The following NRXN3 variants were observed in gnomAD, a reference collection of about 807,000 sequenced individuals.
NRXN3 encodes the protein neurexin III.
A neutral mutation model predicts 137.6 loss-of-function variants in NRXN3; 32 were observed. The ratio of observed to expected loss-of-function variants is 0.23; its 90% CI spans 0.18 to 0.31. The LOEUF is 0.31. NRXN3 is among the 10% of genes least tolerant of loss of function. NRXN3 has a pLI of 1.00. For synonymous variants in NRXN3, 798 were observed against 784.5 expected (o/e 1.02, Z -0.29); for missense variants, 1,574 against 2,062.5 (o/e 0.76, Z 4.59).
rs375424089 is a variant in NRXN3, at chr14:79,578,178, G to A, written c.3445-85600G>A. Reference sequence around the variant, plus strand: ...GTTGGACTCATCATTGTGATTTATTGTAAGGACAGGATACAGATTAAACTC... The same window carrying A: ...GTTGGACTCATCATTGTGATTTATTATAAGGACAGGATACAGATTAAACTC... On this transcript the variant is annotated intron_variant, in intron 16 of 20. Coordinates refer to ENST00000335750, the MANE Select transcript of NRXN3 (RefSeq NM_001330195.2). Among the ~76,000 whole-genome samples the A allele has an allele frequency of 1.0e-3, 153 of 152,318 alleles. 7 individuals are homozygous for A. In the South Asian group the frequency reaches 0.03, roughly 30 times the overall value.
At chr14:78,643,787 C>G (rs1049361127) in intron 4 of NRXN3, among the ~76,000 whole-genome samples, 1 of 152,168 alleles carries the variant, frequency 6.6e-6, no homozygotes, top group Non-Finnish European at 1.5e-5. Context: ...ATCCACATCT[C>G]TGCAAATAGT....
At chr14:79,494,340 T>G (rs1469920009) in intron 16 of NRXN3, among the ~76,000 whole-genome samples, 1 of 152,188 alleles carries the variant, frequency 6.6e-6, no homozygotes, top group African/African-American at 2.4e-5. Context: ...CTCTGACTCC[T>G]AAAGGGGGTC....
chr14:79,169,051 C>T (rs1429271758), intron 15 of NRXN3, among the ~76,000 whole-genome samples: 1 of 152,072 alleles, frequency 6.6e-6, no homozygotes, highest in African/African-American at 2.4e-5. Flanking sequence ...GTCATTCATT[C>T]ATTCCTTAAT....
chr14:79,262,558 G>A (rs1308174486), intron 15 of NRXN3, among the ~76,000 whole-genome samples: 2 of 151,162 alleles, frequency 1.3e-5, no homozygotes, highest in Non-Finnish European at 2.9e-5. Context: ...GAGAGGAGGA[G>A]GAGGAGGAAG....
intron 15 of NRXN3, among the ~76,000 whole-genome samples, chr14:79,453,357 G>C (rs1031410607): frequency 6.6e-6 from 1 of 151,822 alleles, no homozygotes. Flanking sequence ...ATATAATATA[G>C]AGAGAGGTTC....
chr14:79,367,140 C>T (rs948770048), intron 15 of NRXN3, among the ~76,000 whole-genome samples: 24 of 152,136 alleles, frequency 1.6e-4, no homozygotes, highest in South Asian at 1.2e-3. Context: ...TCCACCACCA[C>T]GCCTAGCTTA....
intron 15 of NRXN3, among the ~76,000 whole-genome samples, chr14:79,032,069 C>T (rs1359974058): frequency 6.6e-6 from 1 of 152,154 alleles, no homozygotes; most frequent in Non-Finnish European, 1.5e-5. Flanking sequence ...TTTCTCTTCT[C>T]TCTAGTGCAG....
chr14:78,954,432 A>G (rs747748090), intron 10 of NRXN3, among the ~76,000 whole-genome samples: 17 of 152,256 alleles, frequency 1.1e-4, no homozygotes, highest in Middle Eastern at 3.4e-3. Context: ...GAGGTATCAA[A>G]TGTAACTAAA....
intron 15 of NRXN3, among the ~76,000 whole-genome samples, chr14:79,230,693 G>A (rs2072014766): frequency 6.6e-6 from 1 of 152,126 alleles, no homozygotes; most frequent in Admixed American, 6.6e-5. Flanking sequence ...CATGGAGCAA[G>A]CATCTTTGTG....
intron 4 of NRXN3, among the ~76,000 whole-genome samples, chr14:78,456,034 C>T (rs987962517): frequency 6.6e-6 from 1 of 152,178 alleles, no homozygotes; most frequent in Admixed American, 6.5e-5. Context: ...CATCTAAACA[C>T]ACAGCACGCC....
chr14:79,087,195 TAGG>T (rs2048291237), intron 15 of NRXN3, among the ~76,000 whole-genome samples: 1 of 152,128 alleles, frequency 6.6e-6, no homozygotes, highest in Non-Finnish European at 1.5e-5. Context: ...CGGACGTGGT[TAGG>T]AGGAGGGTAC....
chr14:78,605,330 AACACTGAACTCTTAAC>A (rs1393870267), intron 4 of NRXN3, among the ~76,000 whole-genome samples: 4 of 152,334 alleles, frequency 2.6e-5, no homozygotes, highest in Non-Finnish European at 5.9e-5. Context: ...CTCAAAGGGA[AACACTGAACTCTTAAC>A]ACACAGATTC....
intron 16 of NRXN3, among the ~76,000 whole-genome samples, chr14:79,468,525 G>A (rs1202915982): frequency 6.6e-6 from 1 of 152,204 alleles, no homozygotes; most frequent in Non-Finnish European, 1.5e-5. Context: ...CCAAAAAGGA[G>A]GAAAAGGAAC....
At chr14:78,371,029 T>A (rs987122147) in intron 4 of NRXN3, among the ~76,000 whole-genome samples, 3 of 152,254 alleles carry the variant, frequency 2.0e-5, no homozygotes, top group African/African-American at 4.8e-5. Context: ...GATGAATACT[T>A]GTGATATGGG....
At chr14:79,572,119 A>C (rs949475806) in intron 16 of NRXN3, among the ~76,000 whole-genome samples, 1 of 152,150 alleles carries the variant, frequency 6.6e-6, no homozygotes, top group Non-Finnish European at 1.5e-5. Flanking sequence ...GAGTTATTAC[A>C]TATCTCTTTT....
intron 8 of NRXN3, among the ~76,000 whole-genome samples, chr14:78,749,598 T>G (rs765665780): frequency 3.9e-5 from 6 of 152,172 alleles, no homozygotes; most frequent in Admixed American, 6.5e-5. Context: ...TCTGGAAAAA[T>G]TAGAGCCATC....
At chr14:79,438,483 A>C (rs971921467) in intron 15 of NRXN3, among the ~76,000 whole-genome samples, 2 of 152,170 alleles carry the variant, frequency 1.3e-5, no homozygotes, top group Non-Finnish European at 2.9e-5. Context: ...CCTCTTTATT[A>C]ATGTATGGAT....
intron 16 of NRXN3, among the ~76,000 whole-genome samples, chr14:79,537,974 G>A (rs1475041323): frequency 4.6e-5 from 7 of 152,080 alleles, no homozygotes; most frequent in Non-Finnish European, 1.0e-4. Flanking sequence ...ACTTTTTAAT[G>A]ATTACCATTC....
intron 4 of NRXN3, among the ~76,000 whole-genome samples, chr14:78,600,697 A>G (rs2097195137): frequency 2.0e-5 from 3 of 152,158 alleles, no homozygotes. Flanking sequence ...GGCAGCCCAG[A>G]TCACCCTCCA....
Sources: allele counts gnomAD v4.1 joint callset (sites outside exome capture counted in the v4.1 genomes callset), GRCh38; gene constraint gnomAD v4.1.1; transcripts MANE v1.5; gene names NCBI Gene and HGNC (gene_info 2026-07-23, HGNC 2026-07-21).